The following RALYL variants were observed in gnomAD, a reference collection of about 807,000 sequenced individuals.
RALYL encodes the protein RNA-binding Raly-like protein.
In RALYL, 29 loss-of-function variants were observed where a neutral mutation model predicts 35.1. The observed-to-expected ratio is 0.83, with a 90% confidence interval of 0.61 to 1.13. RALYL has a LOEUF of 1.13. RALYL is among the 50% of genes most tolerant of loss of function. The pLI is 0.00. For missense variants in RALYL, 359 were observed against 360.4 expected (o/e 1.00, Z 0.03); for synonymous variants, 120 against 127.6 (o/e 0.94, Z 0.40).
intron 1 of RALYL, among the ~76,000 whole-genome samples, chr8:84,290,079 C>G (rs1253664329): frequency 6.6e-6 from 1 of 152,162 alleles, no homozygotes; most frequent in Non-Finnish European, 1.5e-5. Context: ...GAGACAATCA[C>G]TGCTTGTTGG....
chr8:84,426,434 C>CTGTGTGTG (rs1310031203), intron 1 of RALYL, among the ~76,000 whole-genome samples: 81 of 64,732 alleles, frequency 1.3e-3, no homozygotes, highest in South Asian at 4.0e-3. Flanking sequence ...TTCTCTCTCT[C>CTGTGTGTG]TCTCTGTGTG....
At chr8:84,392,021 CTGAT>C (rs1860811297) in intron 1 of RALYL, among the ~76,000 whole-genome samples, 1 of 151,986 alleles carries the variant, frequency 6.6e-6, no homozygotes. Flanking sequence ...TGAAAGCGGG[CTGAT>C]TGAGTGAGAG....
chr8:84,632,826 T>A (rs1824218690), intron 2 of RALYL, among the ~76,000 whole-genome samples: 1 of 151,954 alleles, frequency 6.6e-6, no homozygotes, highest in Non-Finnish European at 1.5e-5. Context: ...TACAGTGTTT[T>A]CATTTCAGCA....
intron 6 of RALYL, among the ~76,000 whole-genome samples, chr8:84,865,098 T>C (rs1232010453): frequency 2.0e-5 from 3 of 152,198 alleles, no homozygotes; most frequent in Non-Finnish European, 2.9e-5. Flanking sequence ...TATTGGCAGA[T>C]TACATTATGT....
chr8:84,221,075 A>G (rs1329036561), intron 1 of RALYL, among the ~76,000 whole-genome samples: 2 of 152,048 alleles, frequency 1.3e-5, no homozygotes, highest in East Asian at 1.9e-4. Flanking sequence ...CTGTAAAAGA[A>G]CAATAATCAC....
At chr8:84,568,821 A>G (rs1807137821) in intron 2 of RALYL, among the ~76,000 whole-genome samples, 1 of 148,882 alleles carries the variant, frequency 6.7e-6, no homozygotes. Context: ...GCATTTTTTC[A>G]TGTGTTTTTT....
chr8:84,334,046 A>C (rs1415887718), intron 1 of RALYL, among the ~76,000 whole-genome samples: 1 of 151,774 alleles, frequency 6.6e-6, no homozygotes, highest in Non-Finnish European at 1.5e-5. Flanking sequence ...GCTACCACAC[A>C]GCTAAATTTG....
intron 2 of RALYL, among the ~76,000 whole-genome samples, chr8:84,672,076 ATC>A (rs1242618562): frequency 1.3e-5 from 2 of 152,190 alleles, no homozygotes; most frequent in Non-Finnish European, 2.9e-5. Flanking sequence ...CCCAAGTCAC[ATC>A]TCTAATACTT....
intron 2 of RALYL, among the ~76,000 whole-genome samples, chr8:84,681,098 T>C (rs1835377293): frequency 6.6e-6 from 1 of 152,216 alleles, no homozygotes. Flanking sequence ...GACCATTTAT[T>C]AAATAGGGAA....
chr8:84,333,561 A>G (rs1449445226), intron 1 of RALYL, among the ~76,000 whole-genome samples: 1 of 152,120 alleles, frequency 6.6e-6, no homozygotes, highest in Admixed American at 6.6e-5. Context: ...TAGCAGCCCA[A>G]AGGAATTTAC....
intron 2 of RALYL, among the ~76,000 whole-genome samples, chr8:84,729,820 C>T (rs565410241): frequency 6.6e-6 from 1 of 152,180 alleles, no homozygotes; most frequent in Non-Finnish European, 1.5e-5. Context: ...TACACTCTCC[C>T]AAGACTAAAC....
At chr8:84,238,912 CT>C (rs1487455359) in intron 1 of RALYL, among the ~76,000 whole-genome samples, 1 of 152,150 alleles carries the variant, frequency 6.6e-6, no homozygotes, top group African/African-American at 2.4e-5. Context: ...TAGCATGCAT[CT>C]TGTTTCTTGT....
intron 1 of RALYL, among the ~76,000 whole-genome samples, chr8:84,220,118 C>A (rs898443927): frequency 6.6e-6 from 1 of 151,902 alleles, no homozygotes; most frequent in Non-Finnish European, 1.5e-5. Context: ...TGCTTCATAC[C>A]AAGATAGCTA....
intron 1 of RALYL, among the ~76,000 whole-genome samples, chr8:84,525,880 G>C (rs1230805788): frequency 6.6e-6 from 1 of 151,208 alleles, no homozygotes; most frequent in African/African-American, 2.4e-5. Context: ...AAGATCTGTA[G>C]GAGTTTTTGT....
chr8:84,520,832 C>T (rs2058402680), intron 1 of RALYL, among the ~76,000 whole-genome samples: 1 of 152,196 alleles, frequency 6.6e-6, no homozygotes, highest in South Asian at 2.1e-4. Context: ...CCTTGTCCCA[C>T]CACCTGCATC....
intron 4 of RALYL, among the ~76,000 whole-genome samples, chr8:84,841,112 T>A (rs1436225967): frequency 6.6e-5 from 10 of 152,106 alleles, no homozygotes; most frequent in Non-Finnish European, 1.3e-4. Flanking sequence ...AATTCACACA[T>A]AACAATACTA....
At chr8:84,736,458 G>A (rs1847327920) in intron 2 of RALYL, among the ~76,000 whole-genome samples, 1 of 152,028 alleles carries the variant, frequency 6.6e-6, no homozygotes, top group Admixed American at 6.6e-5. Flanking sequence ...GGAACTTAGA[G>A]GTTGAAAAAG....
At chr8:84,532,088 C>G (rs749655742) in intron 2 of RALYL, among the ~76,000 whole-genome samples, 1 of 152,008 alleles carries the variant, frequency 6.6e-6, no homozygotes, top group Non-Finnish European at 1.5e-5. Context: ...AAGTCTTAGA[C>G]TTTATTTCTT....
At chr8:84,222,517 G>T (rs1242160762) in intron 1 of RALYL, among the ~76,000 whole-genome samples, 1 of 152,090 alleles carries the variant, frequency 6.6e-6, no homozygotes, top group Non-Finnish European at 1.5e-5. Context: ...CTTCTAGGAG[G>T]GTTTTCTTAA....
Sources: gnomAD v4.1 joint callset for allele counts (sites outside exome capture counted in the v4.1 genomes callset) on GRCh38, gnomAD v4.1.1 for gene constraint, MANE v1.5 for transcripts, NCBI Gene and HGNC (gene_info 2026-07-23, HGNC 2026-07-21) for gene names.